Variants in FAM131C observed in about 807,000 individuals in gnomAD.
The protein encoded by FAM131C is protein FAM131C.
In FAM131C, 14 loss-of-function variants were observed where a neutral mutation model predicts 29.8. The ratio of observed to expected loss-of-function variants is 0.47; its 90% CI spans 0.31 to 0.73. FAM131C has a LOEUF of 0.73. FAM131C is among the 30% of genes least tolerant of loss of function. The pLI, the probability that FAM131C is intolerant of heterozygous loss-of-function variation, is 0.05. For synonymous variants in FAM131C, 86 were observed against 157.8 expected (o/e 0.54, Z 3.41); for missense variants, 252 against 383.8 (o/e 0.66, Z 2.87).
intron 1 of FAM131C, among the ~76,000 whole-genome samples, chr1:16,071,698 G>A (rs2023751819): frequency 6.6e-6 from 1 of 152,232 alleles, no homozygotes; most frequent in African/African-American, 2.4e-5. Flanking sequence ...AAGGAAGGGT[G>A]GAGAGAGCGT....
chr1:16,067,250 A>G (rs1057152946), intron 1 of FAM131C, among the ~76,000 whole-genome samples: 1 of 151,970 alleles, frequency 6.6e-6, no homozygotes, highest in East Asian at 1.9e-4. Flanking sequence ...TGCCATGGGG[A>G]CGTCAGGTAA....
chr1:16,068,106 C>T (rs547574198), intron 1 of FAM131C, among the ~76,000 whole-genome samples: 12 of 152,374 alleles, frequency 7.9e-5, no homozygotes, highest in African/African-American at 2.6e-4. Context: ...AGGGCACCTG[C>T]AGCCGATGCG....
chr1:16,063,016 G>A (rs1238030249), intron 2 of FAM131C, among the ~76,000 whole-genome samples: 1 of 152,046 alleles, frequency 6.6e-6, no homozygotes, highest in Non-Finnish European at 1.5e-5. Flanking sequence ...TGGAGCAAGG[G>A]CGGAAATTAT....
intron 4 of FAM131C, 24 bp downstream of exon 4, chr1:16,062,075 A>G: frequency 3.7e-6 from 6 of 1,608,062 alleles, no homozygotes; most frequent in Non-Finnish European, 5.1e-6. Context: ...CTCCACCGGC[A>G]GGAGAGTTGC....
chr1:16,061,895 GT>G (rs1243513962), intron 4 of FAM131C, among the ~76,000 whole-genome samples: 2 of 151,434 alleles, frequency 1.3e-5, no homozygotes, highest in African/African-American at 2.4e-5. Flanking sequence ...GAACCCAGCA[GT>G]TTAACCTGTG....
rs1323290807 is a variant in FAM131C at position 16,058,496 on chromosome 1, A to G, written c.784T>C (p.Ser262Pro). 1 of 1,506,800 alleles carries G rather than the reference A, an allele frequency of 6.6e-7. No homozygotes were observed. The highest frequency in any genetic ancestry group is 8.9e-7 in the Non-Finnish European group (1 of 1,129,516). 93.3% of individuals were successfully genotyped at this position (1,506,800 alleles called of 1,614,324 possible). Residue 262 changes from serine (S) to proline (P), a missense_variant, in exon 7 of 7, where the codon TCC becomes CCC. Coordinates refer to ENST00000375662, the MANE Select transcript of FAM131C (RefSeq NM_182623.3). The part of the protein sequence containing the change: ...GPEGGTHPPG[S>P]LPSMDSGSLW... ...GAGCCGCTGTCCATGGAGGGGAGGG[A>G]GCCCGGGGGGTGGGTCCCACCCTCG... is the stretch of plus-strand genomic sequence containing the variant.
chr1:16,072,349 GGTCATT>G (rs2023760742), intron 1 of FAM131C, among the ~76,000 whole-genome samples: 1 of 152,198 alleles, frequency 6.6e-6, no homozygotes, highest in African/African-American at 2.4e-5. Flanking sequence ...GATGGGGGAA[GGTCATT>G]GTGCTCCTTG....
chr1:16,073,358 C>A (rs1384383912), intron 1 of FAM131C, 63 bp downstream of exon 1: 2 of 970,602 alleles, frequency 2.1e-6, no homozygotes, highest in African/African-American at 1.7e-5. Flanking sequence ...GGTCTCCGAG[C>A]GGCGAGGGGA....
Position 16,073,413 on chromosome 1 carries a change from C to G in FAM131C, c.22+8G>C. 1 of 1,211,774 alleles carries G rather than the reference C, an allele frequency of 8.3e-7. No individual in the cohort carries two copies. The highest frequency in any genetic ancestry group is 1.0e-6 in the Non-Finnish European group (1 of 974,198). 75.1% of individuals were successfully genotyped at this position (1,211,774 alleles called of 1,614,324 possible). On this transcript the variant is annotated splice_region_variant and intron_variant, in intron 1 of 6. Coordinates refer to ENST00000375662, the MANE Select transcript of FAM131C (RefSeq NM_182623.3). ...CCGATCCCCCCGCCCCCGGCCGGGC[C>G]CCCTCACCTCGCGACACGCAGGAGC...
At chr1:16,064,079 G>A (rs2023642374) in intron 1 of FAM131C, among the ~76,000 whole-genome samples, 1 of 152,086 alleles carries the variant, frequency 6.6e-6, no homozygotes, top group African/African-American at 2.4e-5. Context: ...CTGAGGAGCT[G>A]AATGTTGCTG....
In FAM131C at chr1:16,073,552, C is replaced by T. The variant is rs189360465; in HGVS notation, c.-110G>A. 2,416 of 484,258 alleles carry T rather than the reference C, an allele frequency of 5.0e-3. 54 individuals are homozygous for T. Among genetic ancestry groups the T allele is most frequent in the African/African-American group, 0.046 (2,240 of 48,642 alleles). 30.0% of individuals were successfully genotyped at this position (484,258 alleles called of 1,614,324 possible). A position where few individuals can be genotyped will look rare whatever the true frequency, so the allele number is the denominator to read the frequency against. ...CTGCGGAGCCAGAGGACGGGCGGGG[C>T]GGGGGGCTCGGGCGCCCTCAGCTCG... On this transcript the variant is annotated 5_prime_UTR_variant, in exon 1 of 7. Transcript: ENST00000375662.
At chr1:16,065,468 G>A (rs1289735891) in intron 1 of FAM131C, among the ~76,000 whole-genome samples, 2 of 152,218 alleles carry the variant, frequency 1.3e-5, no homozygotes, top group Admixed American at 6.5e-5. Context: ...TGTCACTGGG[G>A]TTAGGGGACC....
intron 4 of FAM131C, among the ~76,000 whole-genome samples, chr1:16,060,568 T>C (rs2023579145): frequency 6.6e-6 from 1 of 151,428 alleles, no homozygotes; most frequent in East Asian, 2.0e-4. Flanking sequence ...GAAGGCTTCC[T>C]GGAAGAGGGG....
chr1:16,070,679 A>G (rs2124136534), intron 1 of FAM131C, among the ~76,000 whole-genome samples: 1 of 152,322 alleles, frequency 6.6e-6, no homozygotes, highest in East Asian at 1.9e-4. Context: ...GCAATAGCTA[A>G]TATGTACGAG....
chr1:16,062,254 GCAC>G (rs1247043669), intron 3 of FAM131C, 62 bp from the exon 4 acceptor site: 10 of 1,553,640 alleles, frequency 6.4e-6, no homozygotes, highest in Middle Eastern at 2.3e-4. Flanking sequence ...CATCCCTCCA[GCAC>G]CACCACCCAT....
intron 1 of FAM131C, among the ~76,000 whole-genome samples, chr1:16,070,184 C>T (rs937471810): frequency 6.6e-6 from 1 of 152,176 alleles, no homozygotes; most frequent in African/African-American, 2.4e-5. Flanking sequence ...GGAAGACCCT[C>T]CCGTTCTCTG....
chr1:16,067,641 C>CGG (rs1438727731), intron 1 of FAM131C, among the ~76,000 whole-genome samples: 2 of 152,216 alleles, frequency 1.3e-5, no homozygotes, highest in Admixed American at 6.5e-5. Flanking sequence ...AGCTTCTCCT[C>CGG]TGCATCTTGA....
Position 16,058,229 on chromosome 1 carries a change from G to A in FAM131C, c.*208C>T. 1 of 427,464 alleles carries A rather than the reference G, an allele frequency of 2.3e-6. No homozygotes were observed. The highest frequency in any genetic ancestry group is 4.1e-6 in the Non-Finnish European group (1 of 242,854). 26.5% of individuals were successfully genotyped at this position (427,464 alleles called of 1,614,324 possible). A position where few individuals can be genotyped will look rare whatever the true frequency, so the allele number is the denominator to read the frequency against. ...CCTGAGTGAAGTAATGAAGGGGGAG[G>A]GGGTTATGGCTCCCACTGCTGGGGC... On this transcript the variant is annotated 3_prime_UTR_variant, in exon 7 of 7. Transcript: ENST00000375662.
chr1:16,072,123 G>A (rs2023758080), intron 1 of FAM131C, among the ~76,000 whole-genome samples: 1 of 152,184 alleles, frequency 6.6e-6, no homozygotes, highest in South Asian at 2.1e-4. Context: ...GTTCCTTGCT[G>A]CTGGATGCCC....
Sources: allele counts gnomAD v4.1 joint callset (sites outside exome capture counted in the v4.1 genomes callset), GRCh38; gene constraint gnomAD v4.1.1; transcripts MANE v1.5; gene names NCBI Gene and HGNC (gene_info 2026-07-23, HGNC 2026-07-21).